RIN3: variants seen among roughly 807,000 people sequenced by gnomAD.
RIN3 encodes RAB5 interacting protein 3.
RIN3 carries 54 observed loss-of-function variants against 76.3 expected under a neutral mutation model. That is an observed-to-expected ratio of 0.71 (90% CI 0.57 to 0.89). The LOEUF (loss-of-function observed/expected upper bound fraction) is 0.89. Among genes scored for constraint, RIN3 ranks in the 40% least tolerant of loss-of-function variants. The probability of loss-of-function intolerance (pLI) is 0.00; values close to 1 mark genes in which losing one functional copy is unlikely to be tolerated. For synonymous variants in RIN3, 576 were observed against 564.0 expected (o/e 1.02, Z -0.30); for missense variants, 1,256 against 1,322.1 (o/e 0.95, Z 0.78).
intron 1 of RIN3, among the ~76,000 whole-genome samples, chr14:92,534,463 C>T (rs1486709737): frequency 3.3e-5 from 5 of 151,640 alleles, no homozygotes; most frequent in African/African-American, 1.2e-4. Flanking sequence ...ACCTGTAATC[C>T]CGGCTACTCA....
intron 1 of RIN3, among the ~76,000 whole-genome samples, chr14:92,524,962 A>C (rs1438997893): frequency 6.6e-6 from 1 of 152,214 alleles, no homozygotes; most frequent in Non-Finnish European, 1.5e-5. Flanking sequence ...GCCTAAGTGC[A>C]AGTGTCCCAC....
chr14:92,586,680 A>G (rs911402281), intron 3 of RIN3: 1 of 152,184 alleles, frequency 6.6e-6, no homozygotes, highest in Admixed American at 6.5e-5. Context: ...CCAATTAAAT[A>G]TGTGTTGGAT....
chr14:92,641,382 C>T lies in RIN3; in HGVS notation c.532+53C>T, dbSNP rs1595476853. ...GCTGGTGGGGCGTTAGGAACTGGGG[C>T]CCTAGGACTGCCCCAGGGGCCGCCT... On this transcript the variant is annotated intron_variant, in intron 5 of 9. Coordinates refer to ENST00000216487, the MANE Select transcript of RIN3 (RefSeq NM_024832.5). 2.1e-6 allele frequency: 3 copies of T among 1,396,322 alleles called. No individual in the cohort carries two copies. In the South Asian group the frequency reaches 3.5e-5, roughly 16 times the overall value. The allele number at this position is 1,396,322 out of a possible 1,614,324, so 86.5% of individuals were successfully genotyped here.
At chr14:92,663,396 T>C (rs1297014948) in intron 7 of RIN3, among the ~76,000 whole-genome samples, 2 of 152,188 alleles carry the variant, frequency 1.3e-5, no homozygotes, top group Non-Finnish European at 2.9e-5. Context: ...TGTGGTTGAA[T>C]GGAACAGAAC....
At chr14:92,561,596 T>C (rs1897780103) in intron 2 of RIN3, among the ~76,000 whole-genome samples, 1 of 152,158 alleles carries the variant, frequency 6.6e-6, no homozygotes, top group Non-Finnish European at 1.5e-5. Flanking sequence ...ATTGTTAACA[T>C]CTAGCATTAG....
intron 4 of RIN3, among the ~76,000 whole-genome samples, chr14:92,627,196 A>T (rs1474710939): frequency 6.6e-6 from 1 of 151,980 alleles, no homozygotes; most frequent in East Asian, 1.9e-4. Flanking sequence ...TGCCCCCTTG[A>T]CTGTGTGTGT....
chr14:92,655,159 T>G (rs1451399891), intron 6 of RIN3, among the ~76,000 whole-genome samples: 1 of 151,586 alleles, frequency 6.6e-6, no homozygotes, highest in Non-Finnish European at 1.5e-5. Context: ...AGTGAGACTT[T>G]GTCTCAAAAA....
chr14:92,649,642 G>A (rs1405977325), intron 5 of RIN3, among the ~76,000 whole-genome samples: 2 of 152,196 alleles, frequency 1.3e-5, no homozygotes, highest in African/African-American at 2.4e-5. Flanking sequence ...GGAGCCATGC[G>A]CTGCCCAAGA....
At chr14:92,540,299 T>C (rs1253861430) in intron 1 of RIN3, among the ~76,000 whole-genome samples, 1 of 152,166 alleles carries the variant, frequency 6.6e-6, no homozygotes, top group Non-Finnish European at 1.5e-5. Flanking sequence ...TTCCTGGGAC[T>C]GACCCACCGA....
rs189237082 is a variant in RIN3 at position 92,633,694 on chromosome 14, A to C, written c.441-7544A>C. On this transcript the variant is annotated intron_variant, in intron 4 of 9. Coordinates refer to ENST00000216487, the MANE Select transcript of RIN3 (RefSeq NM_024832.5). ...ACCCAGTTGGTGTCTGGAGAATTGG[A>C]GAATTGATTGCTAGTGTTGGAAAAC... 4.5e-4 allele frequency among the ~76,000 whole-genome samples: 68 copies of C among 152,328 alleles called. 1 individual carries two copies. Among genetic ancestry groups the C allele is most frequent in the Non-Finnish European group, 7.4e-4 (50 of 68,018 alleles).
Position 92,656,900 on chromosome 14 carries a change from G to A in RIN3, c.2027-2261G>A, listed in dbSNP as rs868795290. ...TGCCCAAGAAGCCACAGCTCAGAGA[G>A]GTTTGGTGACCTGGCCATGAGGACA... On this transcript the variant is annotated intron_variant, in intron 6 of 9. Transcript: ENST00000216487. The surrounding 1 kb of genome is among the most constrained non-coding windows in gnomAD (Gnocchi z 5.2). Among the ~76,000 whole-genome samples the A allele has an allele frequency of 6.6e-6, 1 of 152,334 alleles. No individual in the cohort carries two copies. The highest frequency in any genetic ancestry group is 1.9e-4 in the East Asian group (1 of 5,190).
At chr14:92,593,623 T>G (rs1885059369) in intron 3 of RIN3, among the ~76,000 whole-genome samples, 1 of 152,154 alleles carries the variant, frequency 6.6e-6, no homozygotes, top group Non-Finnish European at 1.5e-5. Context: ...CACACCAACA[T>G]GGCACATTTA....
chr14:92,669,563 C>T (rs1002206863), intron 7 of RIN3, among the ~76,000 whole-genome samples: 25 of 152,088 alleles, frequency 1.6e-4, no homozygotes, highest in African/African-American at 5.8e-4. Flanking sequence ...AGTCATGAGC[C>T]TCCTGCTGCC....
intron 2 of RIN3, among the ~76,000 whole-genome samples, chr14:92,574,604 C>G (rs1898162699): frequency 6.6e-6 from 1 of 151,804 alleles, no homozygotes; most frequent in African/African-American, 2.4e-5. Flanking sequence ...AAAAGGGAAG[C>G]TCAGCAGAGG....
In RIN3 at chr14:92,518,679, C is replaced by T. The variant is rs550891507; in HGVS notation, c.44+4703C>T. ...CCAGCCCTGGATACTGTGTCTCAGC[C>T]GGAAGAATGGAGAATAGCTTGGTGT... On this transcript the variant is annotated intron_variant, in intron 1 of 9. Coordinates refer to ENST00000216487, the MANE Select transcript of RIN3 (RefSeq NM_024832.5). 6.8e-4 allele frequency among the ~76,000 whole-genome samples: 104 copies of T among 152,178 alleles called. 2 individuals carry two copies. In the South Asian group the frequency reaches 0.02, roughly 29 times the overall value.
chr14:92,531,111 C>G (rs969332364), intron 1 of RIN3, among the ~76,000 whole-genome samples: 4 of 152,134 alleles, frequency 2.6e-5, no homozygotes, highest in Admixed American at 2.6e-4. Flanking sequence ...CCAGTGTCTT[C>G]GTCAGCTTGG....
chr14:92,630,929 A>G (rs1253616880), intron 4 of RIN3, among the ~76,000 whole-genome samples: 1 of 152,194 alleles, frequency 6.6e-6, no homozygotes, highest in South Asian at 2.1e-4. Flanking sequence ...GTTAGCCAAG[A>G]TGGAACATCA....
At chr14:92,666,661 G>T (rs1332496704) in intron 7 of RIN3, among the ~76,000 whole-genome samples, 2 of 152,216 alleles carry the variant, frequency 1.3e-5, no homozygotes, top group Non-Finnish European at 2.9e-5. Flanking sequence ...CTTTGACAAA[G>T]AAGTCATTCC....
chr14:92,684,001 A>G (rs1314627577), intron 8 of RIN3, among the ~76,000 whole-genome samples: 1 of 152,224 alleles, frequency 6.6e-6, no homozygotes, highest in Non-Finnish European at 1.5e-5. Context: ...ATCATAGCCT[A>G]GTCTACCTTA....
Sources: allele counts gnomAD v4.1 joint callset (sites outside exome capture counted in the v4.1 genomes callset), GRCh38; gene constraint gnomAD v4.1.1; non-coding constraint Gnocchi (gnomAD v3.1); transcripts MANE v1.5; gene names NCBI Gene and HGNC (gene_info 2026-07-23, HGNC 2026-07-21).